Variants in ACY1 observed in about 807,000 individuals in gnomAD.
The protein encoded by ACY1 is aminoacylase 1, also known as aminoacylase-1.
A neutral mutation model predicts 53.3 loss-of-function variants in ACY1; 38 were observed. The observed-to-expected ratio is 0.71, with a 90% CI of 0.55 to 0.93. The LOEUF (loss-of-function observed/expected upper bound fraction) is 0.93, where lower values mean the gene tolerates loss of function less well. Ranked by LOEUF, ACY1 falls within the 40% of genes least tolerant of loss-of-function variation. The pLI is 0.00. For missense variants in ACY1, 484 were observed against 540.9 expected, an observed-to-expected ratio of 0.89 and a Z score of 1.04; for synonymous variants, 177 against 202.1, an observed-to-expected ratio of 0.88 and a Z score of 1.05.
rs1285767273 is a variant in ACY1 at position 51,988,324 on chromosome 3, C to T, written c.922-200C>T. 4.9e-5 allele frequency: 32 copies of T among 648,288 alleles called. No homozygotes were observed. The East Asian group carries it at 5.5e-4, about 11-fold the overall frequency. 40.2% of individuals were successfully genotyped at this position (648,288 alleles called of 1,614,324 possible). On this transcript the variant is annotated intron_variant, in intron 12 of 14. Coordinates refer to ENST00000636358, the MANE Select transcript of ACY1 (RefSeq NM_000666.3). ...GAAGGATGGACAGGAGGTAAGTAGA[C>T]GGAGGGTGGGAAGGTCCCAGACCTA...
In ACY1 at chr3:51,986,213, G is replaced by A. The variant is rs778210004; in HGVS notation, c.360-42G>A. 43 of 1,602,402 alleles carry A rather than the reference G, an allele frequency of 2.7e-5. 1 individual carries two copies. The South Asian group carries it at 2.9e-4, about 11-fold the overall frequency. ...GGCCCTGCCTGTGGGGCCAGCCTGC[G>A]CATCTGGTGGCTCCCCCAGCACCTG... On this transcript the variant is annotated intron_variant, in intron 5 of 14. Coordinates refer to ENST00000636358, the MANE Select transcript of ACY1 (RefSeq NM_000666.3).
Position 51,989,111 on chromosome 3 carries a change from C to G in ACY1, c.*36C>G. The G allele has an allele frequency of 6.2e-7, 1 of 1,609,602 alleles. No homozygotes were observed. Among genetic ancestry groups the G allele is most frequent in the South Asian group, 1.1e-5 (1 of 91,058 alleles). ...TCCTAAACCTTTGCCCCTGGGGCTT[C>G]CATCCCAACCAGTGCCAAGGACCTC... On this transcript the variant is annotated 3_prime_UTR_variant, in exon 15 of 15. Transcript: ENST00000636358.
chr3:51,983,952 G>A, intron 1 of ACY1, 95 bp from the exon 2 acceptor site: 1 of 884,300 alleles, frequency 1.1e-6, no homozygotes, highest in South Asian at 1.3e-5. Context: ...TACCCCTGTG[G>A]GAAGTCCGGG....
Position 51,987,438 on chromosome 3 carries a change from G to C in ACY1, c.837G>C (p.Pro279=). Residue 279 remains proline, a synonymous_variant, in exon 11 of 15, where the codon CCG becomes CCC. Transcript: ENST00000636358. ...CCAGCTTTGACTTCCGTGTGGCACC[G>C]GATGTGGACTTCAAGGTGCCACCTC... ...MSASFDFRVA[P]DVDFKAFEEQ... 6.2e-7 allele frequency: 1 copy of C among 1,614,124 alleles called. No homozygotes were observed. The highest frequency in any genetic ancestry group is 8.5e-7 in the Non-Finnish European group (1 of 1,180,010).
intron 2 of ACY1, 64 bp from the exon 3 acceptor site, chr3:51,985,143 C>T: frequency 6.5e-7 from 1 of 1,541,228 alleles, no homozygotes. Context: ...ACTCTCCGGG[C>T]TGCCTGGGCT....
intron 12 of ACY1, 35 bp downstream of exon 12, chr3:51,987,659 G>C (rs751976937): frequency 2.1e-5 from 34 of 1,606,700 alleles, no homozygotes; most frequent in Non-Finnish European, 4.3e-6. Context: ...GAGAGTGTGG[G>C]AGCCGGGGGA....
intron 2 of ACY1, 53 bp downstream of exon 2, chr3:51,984,211 G>A (rs2106826808): frequency 1.3e-6 from 2 of 1,562,688 alleles, no homozygotes; most frequent in Non-Finnish European, 1.8e-6. Flanking sequence ...GACGGGGACT[G>A]TGCTCTAAAC....
At chr3:51,988,083 C>T (rs984448493) in intron 12 of ACY1, 5 of 321,032 alleles carry the variant, frequency 1.6e-5, no homozygotes, top group African/African-American at 1.1e-4. Context: ...CCAGGCTTGT[C>T]TCGAACTCCT....
chr3:51,987,524 C>A (rs1235354254), intron 11 of ACY1, 32 bp from the exon 12 acceptor site: 2 of 1,613,970 alleles, frequency 1.2e-6, no homozygotes, highest in East Asian at 4.5e-5. Context: ...CTCTGGAAAG[C>A]CTGAAGGATC....
rs770683360 is a variant in ACY1, at chr3:51,984,018, G to A, written c.-18-29G>A. ...GCTCACCATTTCCAGGGTCTTGGAGGGGTAGTTAGCCATTCACTTTGCCCC... is the reference window on the plus strand; with the variant it reads ...GCTCACCATTTCCAGGGTCTTGGAGAGGTAGTTAGCCATTCACTTTGCCCC... On this transcript the variant is annotated intron_variant, in intron 1 of 14. Coordinates refer to ENST00000636358, the MANE Select transcript of ACY1 (RefSeq NM_000666.3). The A allele has an allele frequency of 1.5e-5, 23 of 1,518,266 alleles. No individual in the cohort carries two copies. In the African/African-American group the frequency reaches 2.5e-4, roughly 16 times the overall value. The allele number at this position is 1,518,266 out of a possible 1,614,324, so 94.0% of individuals were successfully genotyped here. A position where few individuals can be genotyped will look rare whatever the true frequency, so the allele number is the denominator to read the frequency against.
rs1701006020 is a variant in ACY1, at chr3:51,985,000, A to T, written c.95-207A>T. On this transcript the variant is annotated intron_variant, in intron 2 of 14. Coordinates refer to ENST00000636358, the MANE Select transcript of ACY1 (RefSeq NM_000666.3). ...CACCTTCCTCCAACCCTGTGTCCAG[A>T]CATCCCCCTGGACTTCCAGAAAGGG... 4.8e-6 allele frequency: 3 copies of T among 630,686 alleles called. No homozygotes were observed. In the Admixed American group the frequency reaches 7.2e-5, roughly 15 times the overall value. The allele number at this position is 630,686 out of a possible 1,614,324, so 39.1% of individuals were successfully genotyped here.
At chr3:51,983,666 T>G in intron 1 of ACY1, 77 bp downstream of exon 1, 2 of 274,108 alleles carry the variant, frequency 7.3e-6, no homozygotes, top group South Asian at 3.8e-5. Flanking sequence ...CGTTGGGGTT[T>G]TTCTTGTTTG....
In ACY1 at chr3:51,986,614, A is replaced by G. The variant is rs887540; in HGVS notation, c.536A>G (p.Asn179Ser). The G allele has an allele frequency of 1.8e-3, 2,942 of 1,614,144 alleles. 45 individuals are homozygous for G. The African/African-American group carries it at 0.03, about 17-fold the overall frequency. ...CCCTTTCCCTCCTCAGGCATAGCCA[A>G]TCCCACTGATGCCTTCACTGTCTTT... ...AGFALDEGIANPTDAFTVFYS... is the reference protein window; with the variant it reads ...AGFALDEGIASPTDAFTVFYS... Residue 179 changes from asparagine (N) to serine (S), a missense_variant, in exon 8 of 15, where the codon AAT becomes AGT. By Grantham distance (46) the Asn-to-Ser change is conservative. Coordinates refer to ENST00000636358, the MANE Select transcript of ACY1 (RefSeq NM_000666.3).
rs779988419 is a variant in ACY1, at chr3:51,984,178, A to C, written c.94+20A>C. 6.2e-7 allele frequency: 1 copy of C among 1,611,612 alleles called. No homozygotes were observed. The highest frequency in any genetic ancestry group is 1.1e-5 in the South Asian group (1 of 91,022). ...ACTATGGTGAGAAGACGGTGGTTCCAGAGCCTGTGACGGGGCCTAAGGGAC... is the reference window on the plus strand; with the variant it reads ...ACTATGGTGAGAAGACGGTGGTTCCCGAGCCTGTGACGGGGCCTAAGGGAC... On this transcript the variant is annotated intron_variant, in intron 2 of 14. Coordinates refer to ENST00000636358, the MANE Select transcript of ACY1 (RefSeq NM_000666.3).
At chr3:51,988,482 C>T (rs1290443680) in intron 12 of ACY1, 42 bp from the exon 13 acceptor site, 1 of 1,578,596 alleles carries the variant, frequency 6.3e-7, no homozygotes, top group South Asian at 1.1e-5. Context: ...GGCAAGATGC[C>T]CAGGCCCATG....
At position 51,988,602 on chromosome 3, in the gene ACY1, A is replaced by G. The variant is rs767883181; in HGVS notation, c.1000A>G (p.Met334Val). The part of the protein sequence containing the change: ...WAAFSRVCKD[M>V]NLTLEPEIMP... Reference sequence around the variant, plus strand: ...AGCTTTTAGCCGGGTCTGCAAGGATATGTGAGCACGCTGGCCAGCTCTCCT... The same window carrying G: ...AGCTTTTAGCCGGGTCTGCAAGGATGTGTGAGCACGCTGGCCAGCTCTCCT... The change falls in exon 13 of 15, where the codon ATG becomes GTG. Residue 334 changes from methionine (M) to valine (V), a missense_variant and splice_region_variant. By Grantham distance (21) the Met-to-Val change is conservative. Coordinates refer to ENST00000636358, the MANE Select transcript of ACY1 (RefSeq NM_000666.3). 1.2e-6 allele frequency: 2 copies of G among 1,614,072 alleles called. No homozygotes were observed. The highest frequency in any genetic ancestry group is 1.7e-6 in the Non-Finnish European group (2 of 1,179,992).
chr3:51,988,438 A>G, intron 12 of ACY1, 86 bp from the exon 13 acceptor site: 1 of 1,227,992 alleles, frequency 8.1e-7, no homozygotes, highest in South Asian at 1.2e-5. Context: ...GGGAGGTGTT[A>G]TGTACTAGGC....
intron 9 of ACY1, 42 bp from the exon 10 acceptor site, chr3:51,987,105 T>C (rs112726414): frequency 2.5e-6 from 4 of 1,614,072 alleles, no homozygotes; most frequent in African/African-American, 1.3e-5. Context: ...CAGGAGGCTC[T>C]ATCCTGAGGC....
In ACY1 at chr3:51,987,627, A is replaced by G. The variant is rs200621975; in HGVS notation, c.921+3A>G. 12 of 1,613,852 alleles carry G rather than the reference A, an allele frequency of 7.4e-6. No homozygotes were observed. In the Admixed American group the frequency reaches 1.3e-4, roughly 18 times the overall value. ...GGGTCACCCTAGAGTTTGCTCAGGT[A>G]TGGACTTGGGACATGTGATGGGAGA... On this transcript the variant is annotated splice_donor_region_variant and intron_variant, in intron 12 of 14. Transcript: ENST00000636358.
Sources: gnomAD v4.1 joint callset for allele counts on GRCh38, gnomAD v4.1.1 for gene constraint, MANE v1.5 for transcripts, NCBI Gene and HGNC (gene_info 2026-07-23, HGNC 2026-07-21) for gene names.